COL6A3: variants seen among roughly 807,000 people sequenced by gnomAD.
The protein encoded by COL6A3 is collagen type VI alpha 3 chain.
In COL6A3, 137 loss-of-function variants were observed where a neutral mutation model predicts 274.1. The ratio of observed to expected loss-of-function variants is 0.50; its 90% CI spans 0.44 to 0.58. The LOEUF (loss-of-function observed/expected upper bound fraction) is 0.58. Among genes scored for constraint, COL6A3 ranks in the 20% least tolerant of loss-of-function variants. The probability of loss-of-function intolerance (pLI) is 0.00; values close to 1 mark genes in which losing one functional copy is unlikely to be tolerated. For synonymous variants in COL6A3, 1,650 were observed against 1,650.6 expected (o/e 1.00, Z 0.01); for missense variants, 3,950 against 4,124.9 (o/e 0.96, Z 1.16).
intron 12 of COL6A3, among the ~76,000 whole-genome samples, chr2:237,365,050 G>A (rs1182619271): frequency 6.7e-6 from 1 of 149,954 alleles, no homozygotes; most frequent in Non-Finnish European, 1.5e-5. Flanking sequence ...TCTTTAAAGA[G>A]GTAATTAAGG....
Position 237,342,057 on chromosome 2 carries a change from C to T in COL6A3, c.7765+8G>A, listed in dbSNP as rs1263784310. ...TGAGCAGATCTTCCTGTTAGAGAAACAGCTTACCCAAGCAAACATGACACG... is the reference window on the plus strand; with the variant it reads ...TGAGCAGATCTTCCTGTTAGAGAAATAGCTTACCCAAGCAAACATGACACG... On this transcript the variant is annotated splice_region_variant and intron_variant, in intron 37 of 43. Transcript: ENST00000295550. 1.2e-6 allele frequency: 2 copies of T among 1,613,096 alleles called. No individual in the cohort carries two copies. The highest frequency in any genetic ancestry group is 1.3e-5 in the African/African-American group (1 of 74,924).
chr2:237,357,912 C>G, intron 21 of COL6A3, 30 bp from the exon 22 acceptor site: 1 of 1,602,410 alleles, frequency 6.2e-7, no homozygotes, highest in Non-Finnish European at 8.6e-7. Flanking sequence ...GGGAAATGAG[C>G]CACATATGGA....
intron 32 of COL6A3, among the ~76,000 whole-genome samples, chr2:237,345,465 C>T (rs1271503118): frequency 6.6e-6 from 1 of 151,690 alleles, no homozygotes; most frequent in East Asian, 1.9e-4. Flanking sequence ...AGGAAGCTCA[C>T]CACCAATCCA....
chr2:237,344,069 TAG>T lies in COL6A3; in HGVS notation c.7668+279_7668+280del. 1.9e-6 allele frequency: 1 copy of T among 512,998 alleles called. No homozygotes were observed. Among genetic ancestry groups the T allele is most frequent in the Non-Finnish European group, 3.5e-6 (1 of 281,854 alleles). 31.8% of individuals were successfully genotyped at this position (512,998 alleles called of 1,614,324 possible). A position where few individuals can be genotyped will look rare whatever the true frequency, so the allele number is the denominator to read the frequency against. On this transcript the variant is annotated intron_variant, in intron 36 of 43. Coordinates refer to ENST00000295550, the MANE Select transcript of COL6A3 (RefSeq NM_004369.4). The surrounding 1 kb of genome is among the most constrained non-coding windows in gnomAD (Gnocchi z 4.8). The stretch of plus-strand genomic sequence containing the variant: ...CAAGTCACACCACCTTGTTAGTAGA[TAG>T]AGAGTGTCACCAACACTAGCATCAC...
chr2:237,343,986 C>T, intron 36 of COL6A3: 1 of 371,322 alleles, frequency 2.7e-6, no homozygotes, highest in South Asian at 2.2e-5. Flanking sequence ...GCACAGGGGG[C>T]CATCTTGGGA....
chr2:237,393,151 C>T (rs926363697), intron 3 of COL6A3, among the ~76,000 whole-genome samples: 2 of 152,182 alleles, frequency 1.3e-5, no homozygotes, highest in African/African-American at 4.8e-5. Flanking sequence ...CTTCTGTCCT[C>T]TCTATTGTTC....
At position 237,395,095 on chromosome 2, in the gene COL6A3, T is replaced by A; in HGVS notation, c.201A>T (p.Lys67Asn). ...LVREFLYDVV[K>N]SLAVGENDFH... ...AATCATTTTCTCCCACAGCTAAGGA[T>A]TTTACAACATCATATAGAAACTCTC... Residue 67 changes from lysine to asparagine, a missense_variant, in exon 3 of 44, where the codon AAA becomes AAT. By Grantham distance (94) the Lys-to-Asn change is moderately conservative. Around this residue, in one of 5 missense-constraint regions of COL6A3, gnomAD observed 1,934 missense variants for 1,984.3 expected, o/e 0.97. Transcript: ENST00000295550. The A allele has an allele frequency of 1.9e-6, 3 of 1,614,074 alleles. No individual in the cohort carries two copies. Among genetic ancestry groups the A allele is most frequent in the Non-Finnish European group, 1.7e-6 (2 of 1,180,024 alleles).
intron 1 of COL6A3, among the ~76,000 whole-genome samples, chr2:237,408,478 G>A (rs531902380): frequency 2.8e-4 from 43 of 152,290 alleles, no homozygotes; most frequent in South Asian, 1.2e-3. Context: ...TCTGGGTACC[G>A]GCCCTGGGCT....
Position 237,407,095 on chromosome 2 carries a change from A to G in COL6A3, c.-31+6858T>C, listed in dbSNP as rs2078739813. On this transcript the variant is annotated intron_variant, in intron 1 of 43. Transcript: ENST00000295550. The surrounding 1 kb of genome is among the most constrained non-coding windows in gnomAD (Gnocchi z 4.3). The stretch of plus-strand genomic sequence containing the variant: ...TGGCTAATTTTTTTTGAATTTTGGT[A>G]GAGACAATATCTCACTATATTGCCC... Among the ~76,000 whole-genome samples the G allele has an allele frequency of 1.3e-5, 2 of 151,966 alleles. No homozygotes were observed. Among genetic ancestry groups the G allele is most frequent in the Non-Finnish European group, 2.9e-5 (2 of 67,972 alleles).
intron 23 of COL6A3, chr2:237,357,085 G>T: frequency 1.7e-6 from 1 of 587,326 alleles, no homozygotes; most frequent in Non-Finnish European, 3.0e-6. Context: ...ATATTTGAAA[G>T]TAGCAAAGAT....
rs373563217 is a variant in COL6A3, at chr2:237,379,240, A to G, written c.1898-5T>C. 15 of 1,614,052 alleles carry G rather than the reference A, an allele frequency of 9.3e-6. No homozygotes were observed. In the African/African-American group the frequency reaches 2.0e-4, roughly 22 times the overall value. ...TATCCCTTTTGTTTGAGTGAACTGC[A>G]GTGAAGCACAGAAAAAAAAGTGAGA... On this transcript the variant is annotated splice_region_variant and splice_polypyrimidine_tract_variant and intron_variant, in intron 5 of 43. Coordinates refer to ENST00000295550, the MANE Select transcript of COL6A3 (RefSeq NM_004369.4).
chr2:237,359,334 T>C lies in COL6A3; in HGVS notation c.6309+28A>G, dbSNP rs370520034. 4.2e-5 allele frequency: 67 copies of C among 1,614,132 alleles called. No individual in the cohort carries two copies. The African/African-American group carries it at 8.7e-4, about 21-fold the overall frequency. On this transcript the variant is annotated intron_variant, in intron 18 of 43. Transcript: ENST00000295550. ...TGAGAAATACTGGGAGAGTTTTCCA[T>C]TTGTAAAACAAAACCAAGCTTGCAT...
Position 237,353,356 on chromosome 2 carries a change from C to T in COL6A3, c.6675G>A (p.Gly2225=), listed in dbSNP as rs538533719. The change falls in exon 25 of 44, where the codon GGG becomes GGA. Residue 2225 remains glycine (G), a synonymous_variant. Coordinates refer to ENST00000295550, the MANE Select transcript of COL6A3 (RefSeq NM_004369.4). ...PGQPGFEGEQ[G]TRGAQGPAGP... ...AAGCACTCACCTGTGCACCTCTGGT[C>T]CCCTGCTCTCCCTCAAAGCCCGGCT... 7 of 1,614,184 alleles carry T rather than the reference C, an allele frequency of 4.3e-6. No individual in the cohort carries two copies. In the African/African-American group the frequency reaches 8.0e-5, roughly 18 times the overall value.
intron 26 of COL6A3, among the ~76,000 whole-genome samples, chr2:237,351,988 G>A (rs543212605): frequency 3.3e-5 from 5 of 152,300 alleles, no homozygotes; most frequent in South Asian, 4.1e-4. Flanking sequence ...ACCCGAATAC[G>A]TAATTCCGTG....
intron 40 of COL6A3, among the ~76,000 whole-genome samples, chr2:237,335,093 A>G (rs1411615483): frequency 6.6e-6 from 1 of 152,232 alleles, no homozygotes; most frequent in Non-Finnish European, 1.5e-5. Context: ...TGAAATTCAC[A>G]GTAATGAAAA....
chr2:237,369,227 C>T (rs1347645120), intron 9 of COL6A3, 50 bp from the exon 10 acceptor site: 3 of 1,598,036 alleles, frequency 1.9e-6, no homozygotes, highest in Admixed American at 1.7e-5. Context: ...AAGTAGCCCT[C>T]ACCCAGGTTT....
intron 36 of COL6A3, chr2:237,342,609 T>G (rs6735032): frequency 0.4 from 68,461 of 171,950 alleles, 14,043 homozygotes; most frequent in East Asian, 0.46. Context: ...TCCCAGTGGG[T>G]GCAAAGAGTC....
At position 237,396,731 on chromosome 2, in the gene COL6A3, T is replaced by A. The variant is rs775946239; in HGVS notation, c.87A>T (p.Gln29His). ...AAGGACGTTTCTGGCTCTTACCTGC[T>A]TGCTGCTGCTGGGCATGAGTTGTAG... ...GFPTTHAQQQ[Q>H]ADVKNGAAAD... The change falls in exon 2 of 44, where the codon CAA (glutamine) becomes CAT (histidine). Residue 29 changes from glutamine to histidine, a missense_variant. By Grantham distance (24) the Gln-to-His change is conservative. Transcript: ENST00000295550. 5.6e-6 allele frequency: 9 copies of A among 1,614,118 alleles called. No individual in the cohort carries two copies. The highest frequency in any genetic ancestry group is 3.3e-4 in the Middle Eastern group (2 of 6,062).
intron 42 of COL6A3, among the ~76,000 whole-genome samples, chr2:237,332,458 A>G (rs985843340): frequency 6.6e-6 from 1 of 152,048 alleles, no homozygotes; most frequent in Non-Finnish European, 1.5e-5. Context: ...TTTGGGGAAA[A>G]TCTACTGTGT....
Sources: allele counts gnomAD v4.1 joint callset (sites outside exome capture counted in the v4.1 genomes callset), GRCh38; gene constraint gnomAD v4.1.1; regional missense constraint gnomAD v4.1.1; non-coding constraint Gnocchi (gnomAD v3.1); transcripts MANE v1.5; gene names NCBI Gene and HGNC (gene_info 2026-07-23, HGNC 2026-07-21).